Variants in CNOT6 observed in about 807,000 individuals in gnomAD.
CNOT6 encodes CCR4-NOT transcription complex subunit 6, also known as carbon catabolite repression 4 protein.
A neutral mutation model predicts 61.2 loss-of-function variants in CNOT6; 12 were observed. The ratio of observed to expected loss-of-function variants is 0.20; its 90% CI spans 0.13 to 0.32. The LOEUF (loss-of-function observed/expected upper bound fraction) is 0.32. Ranked by LOEUF, CNOT6 falls within the 10% of genes least tolerant of loss-of-function variation. The probability of loss-of-function intolerance (pLI) is 1.00; values close to 1 mark genes in which losing one functional copy is unlikely to be tolerated. For missense variants in CNOT6, 405 were observed against 663.9 expected, an observed-to-expected ratio of 0.61 and a Z score of 4.28; for synonymous variants, 225 against 240.6, an observed-to-expected ratio of 0.94 and a Z score of 0.60.
At position 180,503,526 on chromosome 5, in the gene CNOT6, A is replaced by C. The variant is rs1425324044; in HGVS notation, c.-3+8763A>C. 4.0e-5 allele frequency among the ~76,000 whole-genome samples: 6 copies of C among 151,014 alleles called. No homozygotes were observed. The East Asian group carries it at 9.7e-4, about 24-fold the overall frequency. On this transcript the variant is annotated intron_variant, in intron 1 of 11. Transcript: ENST00000261951. ...GTGATGTGCCTGCTTCGGCACCCCA[A>C]AGTGCTGGGATTATAGGTGTGAGCC... is the stretch of plus-strand genomic sequence containing the variant.
At chr5:180,565,786 C>T in intron 6 of CNOT6, 34 bp from the exon 7 acceptor site, 1 of 1,528,256 alleles carries the variant, frequency 6.5e-7, no homozygotes, top group Non-Finnish European at 8.8e-7. Flanking sequence ...TTTTCTGCCA[C>T]ATGTGTGAAT....
rs535978449 is a variant in CNOT6, at chr5:180,566,088, C to CT, written c.717+117dup. 5.2e-5 allele frequency: 52 copies of CT among 1,003,596 alleles called. No homozygotes were observed. In the African/African-American group the frequency reaches 7.9e-4, roughly 15 times the overall value. 62.2% of individuals were successfully genotyped at this position (1,003,596 alleles called of 1,614,324 possible). A position where few individuals can be genotyped will look rare whatever the true frequency, so the allele number is the denominator to read the frequency against. ...AGCTTCAGTAGTTCTTAAAGTACTG[C>CT]TTTTTTCTGTTATTAGTGAATCCTG... On this transcript the variant is annotated intron_variant, in intron 7 of 11. Transcript: ENST00000261951.
chr5:180,567,811 A>T, intron 8 of CNOT6, 38 bp from the exon 9 acceptor site: 1 of 1,612,050 alleles, frequency 6.2e-7, no homozygotes, highest in South Asian at 1.1e-5. Flanking sequence ...TGGTATTCCC[A>T]ACTCTGTGTG....
intron 1 of CNOT6, among the ~76,000 whole-genome samples, chr5:180,496,421 A>G (rs1756617080): frequency 6.6e-6 from 1 of 152,134 alleles, no homozygotes; most frequent in Non-Finnish European, 1.5e-5. Context: ...AGAGCGCATG[A>G]GTGTGCGACC....
intron 2 of CNOT6, among the ~76,000 whole-genome samples, chr5:180,535,988 GTTTTTTTTTTTTTTTTTTT>G (rs756489493): frequency 1.6e-5 from 1 of 62,444 alleles, no homozygotes; most frequent in Non-Finnish European, 2.7e-5. Flanking sequence ...ACTTATTAGG[GTTTTTTTTTTTTTTTTTTT>G]TTTTTTTTTT....
rs72816964 is a variant in CNOT6, at chr5:180,577,322, C to T, written c.*3122C>T. The T allele has an allele frequency of 0.019, 2,889 of 152,540 alleles. 37 individuals carry two copies. The highest frequency in any genetic ancestry group is 0.027 in the Non-Finnish European group (1,854 of 67,998). The allele number at this position is 152,540 out of a possible 1,614,324, so 9.4% of individuals were successfully genotyped here. On this transcript the variant is annotated 3_prime_UTR_variant, in exon 12 of 12. Coordinates refer to ENST00000261951, the MANE Select transcript of CNOT6 (RefSeq NM_001370472.1). ...TTAAATTAAAATTTCAAAGCTCTTT[C>T]GAGATTCAGGTTCTCAATAATAATA...
chr5:180,507,084 G>A (rs1757163284), intron 1 of CNOT6, among the ~76,000 whole-genome samples: 1 of 152,142 alleles, frequency 6.6e-6, no homozygotes, highest in Non-Finnish European at 1.5e-5. Context: ...TTGAATGTCT[G>A]AGTTGGCATT....
chr5:180,530,411 A>G (rs1561643229), intron 2 of CNOT6, among the ~76,000 whole-genome samples: 1 of 152,210 alleles, frequency 6.6e-6, no homozygotes, highest in Non-Finnish European at 1.5e-5. Flanking sequence ...ATATAACAGG[A>G]AGCAAAAAGG....
At position 180,554,645 on chromosome 5, in the gene CNOT6, T is replaced by C. The variant is rs181685749; in HGVS notation, c.385+1174T>C. ...CTGAACTAGCTAAGGCTTCTAAATA[T>C]AAAGGCCAGTGAAATGCAAGATGAA... On this transcript the variant is annotated intron_variant, in intron 4 of 11. Coordinates refer to ENST00000261951, the MANE Select transcript of CNOT6 (RefSeq NM_001370472.1). 1.6e-3 allele frequency among the ~76,000 whole-genome samples: 246 copies of C among 152,242 alleles called. 1 individual carries two copies. Among genetic ancestry groups the C allele is most frequent in the African/African-American group, 5.5e-3 (230 of 41,550 alleles).
At position 180,574,337 on chromosome 5, in the gene CNOT6, GATA is replaced by G. The variant is rs1760917116; in HGVS notation, c.*138_*140del. On this transcript the variant is annotated 3_prime_UTR_variant, in exon 12 of 12. Transcript: ENST00000261951. Reference sequence around the variant, plus strand: ...ACTTTCAATCTGATTATTTGATAAGGATATAGTATGAAAGCCAGGTGCTAGCAA... The same window carrying G: ...ACTTTCAATCTGATTATTTGATAAGGTAGTATGAAAGCCAGGTGCTAGCAA... The G allele has an allele frequency of 1.4e-6, 1 of 720,784 alleles. No individual in the cohort carries two copies. Among genetic ancestry groups the G allele is most frequent in the Non-Finnish European group, 2.3e-6 (1 of 428,322 alleles). The allele number at this position is 720,784 out of a possible 1,614,324, so 44.6% of individuals were successfully genotyped here. A position where few individuals can be genotyped will look rare whatever the true frequency, so the allele number is the denominator to read the frequency against.
chr5:180,548,377 G>A (rs1017170163), intron 2 of CNOT6, among the ~76,000 whole-genome samples: 3 of 152,140 alleles, frequency 2.0e-5, no homozygotes, highest in African/African-American at 7.2e-5. Context: ...TTTCTCACAT[G>A]CATGTGTCGA....
In CNOT6 at chr5:180,548,812, GA is replaced by G. The variant is rs577972350; in HGVS notation, c.113-1115del. 7.2e-4 allele frequency among the ~76,000 whole-genome samples: 110 copies of G among 152,256 alleles called. No homozygotes were observed. The South Asian group carries it at 8.1e-3, about 11-fold the overall frequency. ...AAGGTCGCGTTTTCTTCAGCCAATAGAAAATTAATCAGTTCTGAAAGACTGG... is the reference window on the plus strand; with the variant it reads ...AAGGTCGCGTTTTCTTCAGCCAATAGAAATTAATCAGTTCTGAAAGACTGG... On this transcript the variant is annotated intron_variant, in intron 2 of 11. Coordinates refer to ENST00000261951, the MANE Select transcript of CNOT6 (RefSeq NM_001370472.1).
At chr5:180,568,272 A>G (rs1760564365) in intron 9 of CNOT6, among the ~76,000 whole-genome samples, 1 of 151,576 alleles carries the variant, frequency 6.6e-6, no homozygotes, top group South Asian at 2.1e-4. Context: ...CATATAAAAT[A>G]AATGTTGAAG....
At chr5:180,524,283 C>G (rs1757998503) in intron 1 of CNOT6, among the ~76,000 whole-genome samples, 1 of 152,112 alleles carries the variant, frequency 6.6e-6, no homozygotes, top group Non-Finnish European at 1.5e-5. Flanking sequence ...GCAAGAAGTA[C>G]TTGTTGATTT....
chr5:180,574,181 A>G lies in CNOT6; in HGVS notation c.1655A>G (p.His552Arg). Residue 552 changes from histidine to arginine, a missense_variant, in exon 12 of 12, where the codon CAC becomes CGC. Around this residue, in one of 5 missense-constraint regions of CNOT6, gnomAD observed 52 missense variants for 69.3 expected, o/e 0.75. Transcript: ENST00000261951. Reference sequence around the variant, plus strand: ...TTCCTGCCCCAAGTCAACGGCATCCACCTTCCTGGCAGGAGGTAGTCAAGC... The same window carrying G: ...TTCCTGCCCCAAGTCAACGGCATCCGCCTTCCTGGCAGGAGGTAGTCAAGC... ...LPFLPQVNGI[H>R]LPGRR The G allele has an allele frequency of 6.2e-7, 1 of 1,613,574 alleles. No homozygotes were observed. Among genetic ancestry groups the G allele is most frequent in the Non-Finnish European group, 8.5e-7 (1 of 1,179,938 alleles).
intron 4 of CNOT6, among the ~76,000 whole-genome samples, chr5:180,554,264 AAAAG>A (rs1270230829): frequency 6.6e-6 from 1 of 152,180 alleles, no homozygotes; most frequent in Non-Finnish European, 1.5e-5. Flanking sequence ...CCAAAAATAC[AAAAG>A]TCAGCTTGGC....
intron 7 of CNOT6, among the ~76,000 whole-genome samples, chr5:180,566,535 T>C (rs1760464983): frequency 6.6e-6 from 1 of 151,934 alleles, no homozygotes; most frequent in Non-Finnish European, 1.5e-5. Flanking sequence ...TGTCTTTCAC[T>C]CACTGTTCTT....
intron 1 of CNOT6, among the ~76,000 whole-genome samples, chr5:180,519,848 T>G (rs62405527): frequency 7.2e-6 from 1 of 139,128 alleles, no homozygotes; most frequent in Non-Finnish European, 1.6e-5. Flanking sequence ...TTTTTTTTTT[T>G]CCCTGAAAAG....
chr5:180,576,867 T>G lies in CNOT6; in HGVS notation c.*2667T>G. On this transcript the variant is annotated 3_prime_UTR_variant, in exon 12 of 12. Coordinates refer to ENST00000261951, the MANE Select transcript of CNOT6 (RefSeq NM_001370472.1). ...AATTCTGTAACAAATATATTTAATG[T>G]GTTGCCATAATGTCATTTCAGTATT... 6.6e-6 allele frequency: 1 copy of G among 152,230 alleles called. No individual in the cohort carries two copies. The highest frequency in any genetic ancestry group is 1.9e-4 in the East Asian group (1 of 5,204). The allele number at this position is 152,230 out of a possible 1,614,324, so 9.4% of individuals were successfully genotyped here. A position where few individuals can be genotyped will look rare whatever the true frequency, so the allele number is the denominator to read the frequency against.
Sources: allele counts gnomAD v4.1 joint callset (sites outside exome capture counted in the v4.1 genomes callset), GRCh38; gene constraint gnomAD v4.1.1; regional missense constraint gnomAD v4.1.1; transcripts MANE v1.5; gene names NCBI Gene and HGNC (gene_info 2026-07-23, HGNC 2026-07-21).